The following SORCS3 variants were observed in gnomAD, a reference collection of about 807,000 sequenced individuals.
The protein encoded by SORCS3 is VPS10 domain-containing receptor SorCS3.
A neutral mutation model predicts 146.3 loss-of-function variants in SORCS3; 57 were observed. That is an observed-to-expected ratio of 0.39 (90% CI 0.31 to 0.49). The LOEUF is 0.49. Ranked by LOEUF, SORCS3 falls within the 20% of genes least tolerant of loss-of-function variation. The pLI is 0.92. For missense variants in SORCS3, 1,341 were observed against 1,575.5 expected (o/e 0.85, Z 2.52); for synonymous variants, 653 against 618.5 (o/e 1.06, Z -0.83).
At chr10:104,752,530 A>G (rs2017001030) in intron 1 of SORCS3, among the ~76,000 whole-genome samples, 1 of 152,192 alleles carries the variant, frequency 6.6e-6, no homozygotes, top group African/African-American at 2.4e-5. Flanking sequence ...TCACAGTTTT[A>G]CTGTGGGCTG....
At chr10:104,967,885 C>A (rs1206664754) in intron 3 of SORCS3, among the ~76,000 whole-genome samples, 1 of 151,582 alleles carries the variant, frequency 6.6e-6, no homozygotes, top group Non-Finnish European at 1.5e-5. Flanking sequence ...GTTCTGAACT[C>A]CTGAGCTCAA....
At chr10:105,242,660 T>C (rs1564793740) in intron 20 of SORCS3, among the ~76,000 whole-genome samples, 1 of 102,910 alleles carries the variant, frequency 9.7e-6, no homozygotes, top group Non-Finnish European at 1.7e-5. Flanking sequence ...TTATATACAT[T>C]TATATATATT....
chr10:105,082,401 G>A (rs1241345388), intron 5 of SORCS3, among the ~76,000 whole-genome samples: 5 of 152,200 alleles, frequency 3.3e-5, no homozygotes, highest in South Asian at 2.1e-4. Flanking sequence ...TAGTTTATCC[G>A]TCCTTCAAAT....
chr10:104,864,480 C>T (rs906602747), intron 2 of SORCS3, among the ~76,000 whole-genome samples: 3 of 152,146 alleles, frequency 2.0e-5, no homozygotes, highest in Admixed American at 1.3e-4. Flanking sequence ...AGCTCCCTGC[C>T]ATTGCCAGTG....
intron 1 of SORCS3, among the ~76,000 whole-genome samples, chr10:104,737,673 T>G (rs1385451824): frequency 6.6e-6 from 1 of 152,202 alleles, no homozygotes; most frequent in Non-Finnish European, 1.5e-5. Flanking sequence ...TTCTGGATAT[T>G]AGCCCTTTGT....
chr10:105,045,171 C>A (rs2055362669), intron 5 of SORCS3, among the ~76,000 whole-genome samples: 1 of 152,092 alleles, frequency 6.6e-6, no homozygotes, highest in Non-Finnish European at 1.5e-5. Context: ...CTAGATGAAC[C>A]ATGCCACTGT....
At chr10:104,857,705 C>A (rs1027304501) in intron 2 of SORCS3, among the ~76,000 whole-genome samples, 5 of 149,928 alleles carry the variant, frequency 3.3e-5, no homozygotes, top group African/African-American at 5.1e-5. Context: ...GATGTGCTGA[C>A]TGGTGTCATT....
intron 1 of SORCS3, among the ~76,000 whole-genome samples, chr10:104,674,912 T>C (rs1384509500): frequency 1.3e-5 from 2 of 152,254 alleles, no homozygotes; most frequent in African/African-American, 4.8e-5. Flanking sequence ...GACATCTGAC[T>C]TGTTTCCAAT....
rs559254531 is a variant in SORCS3, at chr10:104,967,169, A to G, written c.796-10166A>G. Among the ~76,000 whole-genome samples the G allele has an allele frequency of 1.1e-4, 16 of 152,240 alleles. No individual in the cohort carries two copies. In the South Asian group the frequency reaches 3.1e-3, roughly 30 times the overall value. ...ATGAAGAGATGAGAGTGTTCATTCA[A>G]AGCAGCAATTGTGTTTAGCAAATTG... On this transcript the variant is annotated intron_variant, in intron 3 of 26. Transcript: ENST00000369701.
At chr10:105,154,464 T>G (rs768494593) in intron 9 of SORCS3, among the ~76,000 whole-genome samples, 22 of 152,308 alleles carry the variant, frequency 1.4e-4, no homozygotes, top group Non-Finnish European at 2.8e-4. Context: ...TCAAATTGAT[T>G]CCCAGAGGGA....
rs765985979 is a variant in SORCS3, at chr10:105,139,399, A to G, written c.1215A>G (p.Val405=). 9.4e-5 allele frequency: 152 copies of G among 1,612,408 alleles called. No individual in the cohort carries two copies. The highest frequency in any genetic ancestry group is 4.2e-6 in the Non-Finnish European group (5 of 1,178,604). The stretch of plus-strand genomic sequence containing the variant: ...TTTGTGTTTCCCCCACAATCTAGGT[A>G]ACAACTAGTGGAAGAGCCAGCTACT... ...VVQDEYIFIQ[V]TTSGRASYYV... is the part of the protein sequence containing the mutation. Residue 405 remains valine, a splice_region_variant and synonymous_variant, in exon 8 of 27, where the codon GTA becomes GTG. Transcript: ENST00000369701.
At chr10:105,017,488 A>T (rs2055175126) in intron 4 of SORCS3, among the ~76,000 whole-genome samples, 1 of 152,202 alleles carries the variant, frequency 6.6e-6, no homozygotes, top group African/African-American at 2.4e-5. Context: ...ATATGGTTAA[A>T]ACATGGACTT....
chr10:105,020,018 C>A (rs11192284), intron 4 of SORCS3, among the ~76,000 whole-genome samples: 1 of 152,164 alleles, frequency 6.6e-6, no homozygotes, highest in Non-Finnish European at 1.5e-5. Flanking sequence ...GCAGTAGCAG[C>A]TACTTACAAT....
At chr10:104,773,825 A>G (rs1321139294) in intron 1 of SORCS3, among the ~76,000 whole-genome samples, 3 of 152,204 alleles carry the variant, frequency 2.0e-5, no homozygotes, top group Non-Finnish European at 4.4e-5. Flanking sequence ...CTGTTATTCA[A>G]GTGTCCTCAA....
chr10:104,695,944 T>C (rs61861256), intron 1 of SORCS3, among the ~76,000 whole-genome samples: 2 of 144,430 alleles, frequency 1.4e-5, no homozygotes, highest in African/African-American at 5.1e-5. Context: ...TGTATATATA[T>C]AATATATATA....
At chr10:105,032,249 G>A (rs370486085) in intron 4 of SORCS3, among the ~76,000 whole-genome samples, 6 of 152,156 alleles carry the variant, frequency 3.9e-5, no homozygotes, top group South Asian at 2.1e-4. Context: ...TGGGATGAGC[G>A]TTGGTTTTAG....
At chr10:105,144,312 G>GCCA (rs1393785238) in intron 8 of SORCS3, among the ~76,000 whole-genome samples, 2 of 152,078 alleles carry the variant, frequency 1.3e-5, no homozygotes, top group East Asian at 3.9e-4. Flanking sequence ...TTTGAGAAAG[G>GCCA]CCACTAGAGT....
intron 4 of SORCS3, among the ~76,000 whole-genome samples, chr10:104,986,464 C>T (rs1202821131): frequency 6.6e-6 from 1 of 152,158 alleles, no homozygotes; most frequent in Non-Finnish European, 1.5e-5. Context: ...TTTGTGTGTT[C>T]ACTGGAGTAG....
At chr10:104,645,011 G>A (rs1251462905) in intron 1 of SORCS3, among the ~76,000 whole-genome samples, 2 of 152,186 alleles carry the variant, frequency 1.3e-5, no homozygotes, top group Admixed American at 1.3e-4. Flanking sequence ...GCTTGGGCTG[G>A]GTATTTGCCT....
Sources: allele counts gnomAD v4.1 joint callset (sites outside exome capture counted in the v4.1 genomes callset), GRCh38; gene constraint gnomAD v4.1.1; transcripts MANE v1.5; gene names NCBI Gene and HGNC (gene_info 2026-07-23, HGNC 2026-07-21).